FILIP1L: variants seen among roughly 807,000 people sequenced by gnomAD.
The protein encoded by FILIP1L is filamin A-interacting protein 1-like.
A neutral mutation model predicts 96.6 loss-of-function variants in FILIP1L; 55 were observed. That is an observed-to-expected ratio of 0.57 (90% CI 0.46 to 0.71). FILIP1L has a LOEUF of 0.71. Ranked by LOEUF, FILIP1L falls within the 30% of genes least tolerant of loss-of-function variation. The pLI is 0.00. For missense variants in FILIP1L, 1,304 were observed against 1,321.2 expected, an observed-to-expected ratio of 0.99 and a Z score of 0.20; for synonymous variants, 467 against 473.9, an observed-to-expected ratio of 0.99 and a Z score of 0.19.
At chr3:99,894,035 T>C (rs1354482403) in intron 4 of FILIP1L, among the ~76,000 whole-genome samples, 1 of 152,216 alleles carries the variant, frequency 6.6e-6, no homozygotes, top group Non-Finnish European at 1.5e-5. Context: ...CCAGTTAACA[T>C]AGAACCAGCA....
intron 4 of FILIP1L, among the ~76,000 whole-genome samples, chr3:99,914,098 A>T (rs1040415600): frequency 3.3e-5 from 5 of 152,220 alleles, no homozygotes; most frequent in African/African-American, 1.2e-4. Flanking sequence ...TGGGCCTTAG[A>T]TCCCACTATT....
chr3:99,832,630 G>T (rs1413801588), intron 5 of FILIP1L, among the ~76,000 whole-genome samples: 1 of 146,468 alleles, frequency 6.8e-6, no homozygotes, highest in Non-Finnish European at 1.5e-5. Context: ...ATCACTTGAG[G>T]TCAGGAGTTC....
intron 4 of FILIP1L, among the ~76,000 whole-genome samples, chr3:99,864,424 TG>T (rs1450290878): frequency 9.2e-5 from 14 of 152,188 alleles, no homozygotes; most frequent in Admixed American, 9.2e-4. Context: ...ATTTTGCAGA[TG>T]GAGGAGAAAC....
chr3:99,871,318 TG>T (rs1944775720), intron 4 of FILIP1L, among the ~76,000 whole-genome samples: 1 of 152,170 alleles, frequency 6.6e-6, no homozygotes, highest in Non-Finnish European at 1.5e-5. Flanking sequence ...ACTTTTTTTT[TG>T]TATCAAATAA....
chr3:99,850,213 T>C lies in FILIP1L; in HGVS notation c.1463A>G (p.Glu488Gly). The change falls in exon 5 of 6, where the codon GAG becomes GGG. Residue 488 changes from glutamate to glycine, a missense_variant. Transcript: ENST00000477258. The part of the protein sequence containing the change: ...RLEKTEFTLK[E>G]DLTKLKTLTV... The stretch of plus-strand genomic sequence containing the variant: ...TAATGTTTTCAGTTTAGTTAAATCC[T>C]CTTTTAGAGTGAATTCTGTCTTTTC... 1 of 1,613,258 alleles carries C rather than the reference T, an allele frequency of 6.2e-7. No homozygotes were observed. The highest frequency in any genetic ancestry group is 8.5e-7 in the Non-Finnish European group (1 of 1,179,982).
intron 4 of FILIP1L, among the ~76,000 whole-genome samples, chr3:99,919,722 G>A (rs1707064165): frequency 1.3e-5 from 2 of 151,992 alleles, no homozygotes; most frequent in Admixed American, 1.3e-4. Flanking sequence ...TGGAAAAATA[G>A]GCCTGTCATA....
intron 1 of FILIP1L, among the ~76,000 whole-genome samples, chr3:100,026,190 G>T (rs560296768): frequency 5.0e-4 from 76 of 152,236 alleles, no homozygotes; most frequent in Non-Finnish European, 7.9e-4. Flanking sequence ...GCTGTAGCAG[G>T]TATCCTTTTT....
intron 1 of FILIP1L, among the ~76,000 whole-genome samples, chr3:100,056,503 G>T (rs529021175): frequency 4.6e-4 from 70 of 152,172 alleles, no homozygotes; most frequent in Non-Finnish European, 7.1e-4. Context: ...ATCTGCTCTT[G>T]TTGAGCTAGA....
intron 1 of FILIP1L, among the ~76,000 whole-genome samples, chr3:99,988,263 C>A (rs1709405553): frequency 6.7e-6 from 1 of 149,072 alleles, no homozygotes; most frequent in Non-Finnish European, 1.5e-5. Context: ...TTTGGGAGGC[C>A]TAGGCAGGCA....
intron 1 of FILIP1L, among the ~76,000 whole-genome samples, chr3:100,065,863 A>G (rs1393063316): frequency 1.3e-5 from 2 of 152,224 alleles, no homozygotes; most frequent in Non-Finnish European, 2.9e-5. Context: ...ACTGTGTTCT[A>G]TGCTGTAAGG....
chr3:100,068,532 G>T (rs2065706226), intron 1 of FILIP1L, among the ~76,000 whole-genome samples: 1 of 152,132 alleles, frequency 6.6e-6, no homozygotes, highest in African/African-American at 2.4e-5. Flanking sequence ...GGATTAGTGG[G>T]TGCTGCCAAA....
At chr3:100,059,009 T>C (rs1001527154) in intron 1 of FILIP1L, among the ~76,000 whole-genome samples, 4 of 152,252 alleles carry the variant, frequency 2.6e-5, no homozygotes, top group African/African-American at 9.6e-5. Context: ...TTCCAGTGTT[T>C]TTCTTTTTAG....
chr3:99,839,492 G>A (rs1943036657), intron 5 of FILIP1L, among the ~76,000 whole-genome samples: 1 of 152,086 alleles, frequency 6.6e-6, no homozygotes, highest in Non-Finnish European at 1.5e-5. Context: ...CTTTTAGAAA[G>A]GTCTAAACAG....
intron 1 of FILIP1L, among the ~76,000 whole-genome samples, chr3:100,004,829 C>G (rs1040364535): frequency 1.3e-5 from 2 of 152,188 alleles, no homozygotes; most frequent in African/African-American, 4.8e-5. Flanking sequence ...GAGTTTCCCC[C>G]TATGGGGCAG....
At chr3:99,846,939 A>G (rs1943391889) in intron 5 of FILIP1L, among the ~76,000 whole-genome samples, 2 of 152,208 alleles carry the variant, frequency 1.3e-5, no homozygotes. Context: ...CTTGGGGACC[A>G]TACTTGTAAT....
At chr3:100,055,699 C>G (rs2065453046) in intron 1 of FILIP1L, among the ~76,000 whole-genome samples, 2 of 152,086 alleles carry the variant, frequency 1.3e-5, no homozygotes, top group South Asian at 4.1e-4. Flanking sequence ...CTTTAGTAGT[C>G]AAACATTCTT....
chr3:99,848,677 G>T lies in FILIP1L; in HGVS notation c.2999C>A (p.Ser1000Tyr), dbSNP rs1285197919. Residue 1000 changes from serine (S) to tyrosine (Y), a missense_variant, in exon 5 of 6, where the codon TCC becomes TAC. Ser to Tyr is a moderately radical substitution (Grantham distance 144). Transcript: ENST00000477258. Reference sequence around the variant, plus strand: ...AGTCACAGCCAAAACCTGAATAGGGGACATTGTCCTTTCTGGAGTTAGAGA... The same window carrying T: ...AGTCACAGCCAAAACCTGAATAGGGTACATTGTCCTTTCTGGAGTTAGAGA... Reference protein sequence around the residue: ...CGSLTPERTMSPIQVLAVTGS... With the variant: ...CGSLTPERTMYPIQVLAVTGS... The T allele has an allele frequency of 1.2e-6, 2 of 1,614,156 alleles. No individual in the cohort carries two copies. Among genetic ancestry groups the T allele is most frequent in the East Asian group, 4.5e-5 (2 of 44,884 alleles).
chr3:99,835,675 A>G (rs1316034024), intron 5 of FILIP1L, among the ~76,000 whole-genome samples: 1 of 152,220 alleles, frequency 6.6e-6, no homozygotes, highest in Non-Finnish European at 1.5e-5. Context: ...CATTTTAAGA[A>G]ACATTGATAT....
At chr3:99,880,871 C>T (rs1167018579) in intron 4 of FILIP1L, among the ~76,000 whole-genome samples, 1 of 151,604 alleles carries the variant, frequency 6.6e-6, no homozygotes, top group Non-Finnish European at 1.5e-5. Context: ...GTGGATGGAC[C>T]CTGTATGTGT....
Sources: allele counts gnomAD v4.1 joint callset (sites outside exome capture counted in the v4.1 genomes callset), GRCh38; gene constraint gnomAD v4.1.1; transcripts MANE v1.5; gene names NCBI Gene and HGNC (gene_info 2026-07-23, HGNC 2026-07-21).